The following MAPK8IP2 variants were observed in gnomAD, a reference collection of about 807,000 sequenced individuals.
MAPK8IP2 encodes the protein C-Jun-amino-terminal kinase-interacting protein 2.
MAPK8IP2 carries 15 observed loss-of-function variants against 75.6 expected under a neutral mutation model. The ratio of observed to expected loss-of-function variants is 0.20; its 90% CI spans 0.13 to 0.31. The LOEUF (loss-of-function observed/expected upper bound fraction) is 0.31, where lower values mean the gene tolerates loss of function less well. Among genes scored for constraint, MAPK8IP2 ranks in the 10% least tolerant of loss-of-function variants. The pLI, the probability that MAPK8IP2 is intolerant of heterozygous loss-of-function variation, is 1.00. For missense variants in MAPK8IP2, 1,089 were observed against 1,211.2 expected (o/e 0.90, Z 1.50); for synonymous variants, 632 against 554.5 (o/e 1.14, Z -1.96).
intron 2 of MAPK8IP2, among the ~76,000 whole-genome samples, chr22:50,602,743 G>C (rs1406758809): frequency 6.6e-6 from 1 of 152,216 alleles, no homozygotes; most frequent in Non-Finnish European, 1.5e-5. Context: ...TGCAGAGGCT[G>C]TCTCTCCATT....
rs2146681152 is a variant in MAPK8IP2 at position 50,603,848 on chromosome 22, G to A, written c.549G>A (p.Pro183=). The A allele has an allele frequency of 1.3e-6, 2 of 1,528,528 alleles. No homozygotes were observed. Among genetic ancestry groups the A allele is most frequent in the Non-Finnish European group, 1.8e-6 (2 of 1,138,832 alleles). The allele number at this position is 1,528,528 out of a possible 1,614,324, so 94.7% of individuals were successfully genotyped here. A position where few individuals can be genotyped will look rare whatever the true frequency, so the allele number is the denominator to read the frequency against. The change falls in exon 5 of 12, where the codon CCG becomes CCA. Residue 183 remains proline (P), a synonymous_variant. Coordinates refer to ENST00000329492, the MANE Select transcript of MAPK8IP2 (RefSeq NM_012324.6). ...CACCTCCCTGCCCAGCAGAGCTCCC[G>A]GGCCCCCTCCCTGCCACGGACACCG... ...SPAPEALREL[P]GPLPATDTGP...
chr22:50,606,704 C>G lies in MAPK8IP2; in HGVS notation c.2171C>G (p.Ser724Cys). 2 of 1,597,536 alleles carry G rather than the reference C, an allele frequency of 1.3e-6. No individual in the cohort carries two copies. ...ACCGTCCACCTGCGCCCTCCTGCCT[C>G]CTGTGACCTCGAGATCTCTCTTCGG... ...KLTVHLRPPA[S>C]CDLEISLRGV... Residue 724 changes from serine to cysteine, a missense_variant, in exon 9 of 12, where the codon TCC becomes TGC. This residue lies in a region of MAPK8IP2 where 129 missense variants were observed against 201.7 expected (regional missense o/e 0.64). Coordinates refer to ENST00000329492, the MANE Select transcript of MAPK8IP2 (RefSeq NM_012324.6).
chr22:50,609,873 T>C (rs754606260), intron 10 of MAPK8IP2: 12 of 534,190 alleles, frequency 2.2e-5, no homozygotes, highest in Non-Finnish European at 4.0e-5. Context: ...GGAGATATGG[T>C]CTCCAGTAGC....
intron 1 of MAPK8IP2, 36 bp from the exon 2 acceptor site, chr22:50,601,753 G>A: frequency 6.4e-7 from 1 of 1,557,700 alleles, no homozygotes; most frequent in East Asian, 2.2e-5. Context: ...AGGGAGTCCA[G>A]GGTTGGTGGC....
chr22:50,603,307 G>A lies in MAPK8IP2; in HGVS notation c.256G>A (p.Asp86Asn). 1 of 1,570,084 alleles carries A rather than the reference G, an allele frequency of 6.4e-7. No individual in the cohort carries two copies. The change falls in exon 3 of 12, where the codon GAC becomes AAC. Residue 86 changes from aspartate (D) to asparagine (N), a missense_variant. Physicochemically the swap from Asp to Asn is conservative, Grantham distance 23 (BLOSUM62 1). Coordinates refer to ENST00000329492, the MANE Select transcript of MAPK8IP2 (RefSeq NM_012324.6). The part of the protein sequence containing the change: ...DDFQEFEMID[D>N]NEEEDDEDEE... ...CTTCCAGGAGTTTGAGATGATCGAT[G>A]ACAATGAAGAGGAGGACGATGAGGA...
Position 50,611,041 on chromosome 22 carries a change from T to C in MAPK8IP2, c.*262T>C. 2.2e-6 allele frequency: 1 copy of C among 454,354 alleles called. No individual in the cohort carries two copies. Among genetic ancestry groups the C allele is most frequent in the Non-Finnish European group, 3.9e-6 (1 of 253,754 alleles). 28.1% of individuals were successfully genotyped at this position (454,354 alleles called of 1,614,324 possible). A position where few individuals can be genotyped will look rare whatever the true frequency, so the allele number is the denominator to read the frequency against. ...GTTGTCCTCCTCCTTCCCTTCCCAG[T>C]CTCCCTTTTCTCTCTCCTGGTGTCT... On this transcript the variant is annotated 3_prime_UTR_variant, in exon 12 of 12. Transcript: ENST00000329492. The surrounding 1 kb of genome is among the most constrained non-coding windows in gnomAD (Gnocchi z 5.5).
At chr22:50,609,627 C>T in intron 10 of MAPK8IP2, 2 of 402,358 alleles carry the variant, frequency 5.0e-6, no homozygotes, top group East Asian at 7.2e-5. Flanking sequence ...CGTCCTGCTG[C>T]AGAACTCTGC....
rs1386843809 is a variant in MAPK8IP2 at position 50,605,447 on chromosome 22, C to T, written c.1841+4C>T. ...AGACTCACCGGGCTGTGTTCAGGTA[C>T]GGCCTCCCTCCTTGCTGGCGGTGGC... is the stretch of plus-strand genomic sequence containing the variant. On this transcript the variant is annotated splice_donor_region_variant and intron_variant, in intron 6 of 11. Coordinates refer to ENST00000329492, the MANE Select transcript of MAPK8IP2 (RefSeq NM_012324.6). The T allele has an allele frequency of 1.4e-5, 22 of 1,613,484 alleles. No individual in the cohort carries two copies. Among genetic ancestry groups the T allele is most frequent in the South Asian group, 9.9e-5 (9 of 91,080 alleles).
rs1183405262 is a variant in MAPK8IP2 at position 50,600,872 on chromosome 22, G to A, written c.54G>A (p.Pro18=). The part of the protein sequence containing the change: ...FSLSTFHSLS[P]PGCRPPQDIS... ...TCTCCACCTTCCACTCGCTGTCGCC[G>A]CCGGGCTGCAGGTACCCCCCTCGGC... Residue 18 remains proline, a synonymous_variant, in exon 1 of 12, where the codon CCG becomes CCA. Transcript: ENST00000329492. 3 of 1,284,122 alleles carry A rather than the reference G, an allele frequency of 2.3e-6. No homozygotes were observed. The highest frequency in any genetic ancestry group is 1.4e-5 in the South Asian group (1 of 70,306). 79.5% of individuals were successfully genotyped at this position (1,284,122 alleles called of 1,614,324 possible).
chr22:50,603,873 G>T lies in MAPK8IP2; in HGVS notation c.574G>T (p.Gly192Trp), dbSNP rs1244650444. 1.3e-6 allele frequency: 2 copies of T among 1,533,834 alleles called. No homozygotes were observed. The highest frequency in any genetic ancestry group is 1.8e-6 in the Non-Finnish European group (2 of 1,142,460). Residue 192 changes from glycine to tryptophan, a missense_variant, in exon 5 of 12, where the codon GGG becomes TGG. Gly to Trp is a radical substitution (Grantham distance 184). This residue lies in a region of MAPK8IP2 where 960 missense variants were observed against 1,009.6 expected (regional missense o/e 0.95). Transcript: ENST00000329492. ...LPGPLPATDT[G>W]PGGAQSPVRP... is the part of the protein sequence containing the mutation. ...GGGCCCCCTCCCTGCCACGGACACC[G>T]GGCCCGGCGGGGCGCAGTCGCCAGT...
chr22:50,609,920 C>T (rs2071118598), intron 10 of MAPK8IP2: 1 of 604,088 alleles, frequency 1.7e-6, no homozygotes, highest in African/African-American at 1.8e-5. Context: ...TGGGGCAGGC[C>T]CTGAATAGGG....
intron 1 of MAPK8IP2, 60 bp downstream of exon 1, chr22:50,600,943 C>A: frequency 1.5e-6 from 1 of 653,788 alleles, no homozygotes; most frequent in Non-Finnish European, 2.0e-6. Flanking sequence ...CCCCCCGACC[C>A]CGACCCGGCC....
intron 8 of MAPK8IP2, among the ~76,000 whole-genome samples, chr22:50,606,251 C>T (rs935600142): frequency 6.6e-6 from 1 of 152,228 alleles, no homozygotes; most frequent in Non-Finnish European, 1.5e-5. Flanking sequence ...CCCTCACAGC[C>T]CCTTCCCTGG....
rs764401739 is a variant in MAPK8IP2, at chr22:50,604,277, C to T, written c.978C>T (p.Asp326=). The change falls in exon 5 of 12, where the codon GAC becomes GAT. Residue 326 remains aspartate, a synonymous_variant. Coordinates refer to ENST00000329492, the MANE Select transcript of MAPK8IP2 (RefSeq NM_012324.6). ...RPAFLPVGPD[D]TNSEYESGSE... is the part of the protein sequence containing the mutation. ...CCTTCCTGCCCGTGGGCCCCGACGACACCAACAGCGAGTACGAGTCGGGGT... is the reference window on the plus strand; with the variant it reads ...CCTTCCTGCCCGTGGGCCCCGACGATACCAACAGCGAGTACGAGTCGGGGT... 12 of 1,569,918 alleles carry T rather than the reference C, an allele frequency of 7.6e-6. No individual in the cohort carries two copies. Among genetic ancestry groups the T allele is most frequent in the East Asian group, 2.3e-5 (1 of 43,124 alleles).
chr22:50,602,438 G>A (rs562071317), intron 2 of MAPK8IP2, among the ~76,000 whole-genome samples: 2 of 152,358 alleles, frequency 1.3e-5, no homozygotes, highest in African/African-American at 4.8e-5. Flanking sequence ...GAACAGGACA[G>A]CTGCTCTCTG....
chr22:50,605,147 C>G, intron 5 of MAPK8IP2, 83 bp downstream of exon 5: 1 of 1,489,242 alleles, frequency 6.7e-7, no homozygotes, highest in Non-Finnish European at 9.3e-7. Flanking sequence ...CCCCACAGTG[C>G]CCAGGGCCAC....
Position 50,603,225 on chromosome 22 carries a change from C to G in MAPK8IP2, c.174C>G (p.Asp58Glu), listed in dbSNP as rs1483874146. ...TGCTATCTCCCTCCGTCCTGCAGGA[C>G]AGCCTCTCCCTGGGGCGCTCGGAGC... ...LSYDSDHCEKDSLSLGRSEQP... is the reference protein window; with the variant it reads ...LSYDSDHCEKESLSLGRSEQP... Residue 58 changes from aspartate (D) to glutamate (E), a missense_variant and splice_region_variant, in exon 3 of 12, where the codon GAC becomes GAG. By Grantham distance (45) the Asp-to-Glu change is conservative. Transcript: ENST00000329492. 2 of 1,611,438 alleles carry G rather than the reference C, an allele frequency of 1.2e-6. No individual in the cohort carries two copies. Among genetic ancestry groups the G allele is most frequent in the Non-Finnish European group, 1.7e-6 (2 of 1,179,610 alleles).
At chr22:50,603,575 C>A in intron 3 of MAPK8IP2, 51 bp from the exon 4 acceptor site, 4 of 1,581,708 alleles carry the variant, frequency 2.5e-6, no homozygotes, top group South Asian at 1.2e-5. Context: ...CCCTGCTCAC[C>A]CCCTGGGAGC....
chr22:50,603,259 C>G lies in MAPK8IP2; in HGVS notation c.208C>G (p.Pro70Ala). 2 of 1,602,542 alleles carry G rather than the reference C, an allele frequency of 1.2e-6. No homozygotes were observed. The highest frequency in any genetic ancestry group is 1.7e-6 in the Non-Finnish European group (2 of 1,175,916). The change falls in exon 3 of 12, where the codon CCC (proline) becomes GCC (alanine). Residue 70 changes from proline to alanine, a missense_variant. By Grantham distance (27) the Pro-to-Ala change is conservative. Transcript: ENST00000329492. ...LSLGRSEQPH[P>A]ICSFQDDFQE... ...CCTGGGGCGCTCGGAGCAGCCGCAC[C>G]CCATCTGCTCCTTCCAGGATGACTT...
Sources: allele counts gnomAD v4.1 joint callset (sites outside exome capture counted in the v4.1 genomes callset), GRCh38; gene constraint gnomAD v4.1.1; regional missense constraint gnomAD v4.1.1; non-coding constraint Gnocchi (gnomAD v3.1); transcripts MANE v1.5; gene names NCBI Gene and HGNC (gene_info 2026-07-23, HGNC 2026-07-21).